Variants in IDO1 observed in about 807,000 individuals in gnomAD.
IDO1 encodes indoleamine 2,3-dioxygenase 1.
A neutral mutation model predicts 38.8 loss-of-function variants in IDO1; 35 were observed. That is an observed-to-expected ratio of 0.90 (90% CI 0.69 to 1.20). The LOEUF is 1.20. IDO1 is among the 50% of genes most tolerant of loss of function. IDO1 has a pLI of 0.00. For missense variants in IDO1, 509 were observed against 485.1 expected (o/e 1.05, Z -0.46); for synonymous variants, 171 against 170.0 (o/e 1.01, Z -0.05).
At chr8:39,917,100 C>A (rs2129592103) in intron 1 of IDO1, among the ~76,000 whole-genome samples, 1 of 152,268 alleles carries the variant, frequency 6.6e-6, no homozygotes, top group African/African-American at 2.4e-5. Flanking sequence ...AAATATGTAT[C>A]TTTTATATAT....
chr8:39,917,289 A>T (rs538623415), intron 1 of IDO1, among the ~76,000 whole-genome samples: 15 of 152,314 alleles, frequency 9.8e-5, no homozygotes, highest in Middle Eastern at 3.4e-3. Flanking sequence ...TGAGGTTAGG[A>T]GGTCGAGACC....
At position 39,917,225 on chromosome 8, in the gene IDO1, G is replaced by C. The variant is rs140375733; in HGVS notation, c.88-650G>C. 6.4e-3 allele frequency among the ~76,000 whole-genome samples: 968 copies of C among 152,384 alleles called. 7 individuals carry two copies. Among genetic ancestry groups the C allele is most frequent in the African/African-American group, 0.022 (914 of 41,590 alleles). On this transcript the variant is annotated intron_variant, in intron 1 of 9. Transcript: ENST00000518237. The stretch of plus-strand genomic sequence containing the variant: ...GATAAACCAAAGTAGGCCAGGCGCA[G>C]TGGCTCATGCCTGTAATCCCAGCAC...
In IDO1 at chr8:39,913,945, C is replaced by T. The variant is rs779594371; in HGVS notation, c.23C>T (p.Ser8Phe). The change falls in exon 1 of 10, where the codon TCC becomes TTC. Residue 8 changes from serine to phenylalanine, a missense_variant. Physicochemically the swap from Ser to Phe is radical, Grantham distance 155 (BLOSUM62 -2). Transcript: ENST00000518237. MAHAMEN[S>F]WTISKEYHID... ...AGAATGGCACACGCTATGGAAAACT[C>T]CTGGACAATCAGTAAAGAGTACCAT... The T allele has an allele frequency of 2.0e-5, 31 of 1,573,382 alleles. No homozygotes were observed. The highest frequency in any genetic ancestry group is 4.7e-5 in the East Asian group (2 of 42,968).
chr8:39,923,468 G>T lies in IDO1; in HGVS notation c.538-1G>T, dbSNP rs1807308642. The stretch of plus-strand genomic sequence containing the variant: ...GTTTGTGTTTTGTTTGTTTGTTTTA[G>T]GTAATTCCTACTGTATTCAAGGCAA... On this transcript the variant is annotated splice_acceptor_variant, in intron 6 of 9. Transcript: ENST00000518237. LOFTEE classifies it high-confidence loss of function. The T allele has an allele frequency of 6.5e-7, 1 of 1,528,298 alleles. No homozygotes were observed. The highest frequency in any genetic ancestry group is 9.1e-7 in the Non-Finnish European group (1 of 1,102,534). 94.7% of individuals were successfully genotyped at this position (1,528,298 alleles called of 1,614,324 possible). A position where few individuals can be genotyped will look rare whatever the true frequency, so the allele number is the denominator to read the frequency against.
rs1276005436 is a variant in IDO1 at position 39,918,069 on chromosome 8, T to C, written c.184-19T>C. On this transcript the variant is annotated intron_variant, in intron 2 of 9. Coordinates refer to ENST00000518237, the MANE Select transcript of IDO1 (RefSeq NM_002164.6). ...CATTACTGAGATTGATTTGAGTCAA[T>C]TGCTCCATTTGTTTTCAGTTAAACA... 2 of 1,613,624 alleles carry C rather than the reference T, an allele frequency of 1.2e-6. No homozygotes were observed. The highest frequency in any genetic ancestry group is 1.3e-5 in the African/African-American group (1 of 74,916).
At position 39,917,905 on chromosome 8, in the gene IDO1, A is replaced by G; in HGVS notation, c.118A>G (p.Met40Val). Reference protein sequence around the residue: ...ENLPDFYNDWMFIAKHLPDLI... With the variant: ...ENLPDFYNDWVFIAKHLPDLI... ...TCTACCTGATTTTTATAATGACTGG[A>G]TGTTCATTGCTAAACATCTGCCTGA... Residue 40 changes from methionine (M) to valine (V), a missense_variant, in exon 2 of 10, where the codon ATG (methionine) becomes GTG (valine). Physicochemically the swap from Met to Val is conservative, Grantham distance 21. Transcript: ENST00000518237. 1 of 1,610,594 alleles carries G rather than the reference A, an allele frequency of 6.2e-7. No individual in the cohort carries two copies. The highest frequency in any genetic ancestry group is 8.5e-7 in the Non-Finnish European group (1 of 1,177,640).
intron 8 of IDO1, among the ~76,000 whole-genome samples, 183 bp from the exon 9 acceptor site, chr8:39,925,040 C>T (rs919027689): frequency 6.6e-6 from 1 of 152,050 alleles, no homozygotes; most frequent in African/African-American, 2.4e-5. Context: ...CAAATCTGCT[C>T]AGGATTATAT....
At chr8:39,919,182 T>G (rs1343516370) in intron 4 of IDO1, 14 of 607,532 alleles carry the variant, frequency 2.3e-5, no homozygotes, top group South Asian at 2.0e-4. Flanking sequence ...TGAATTTAAC[T>G]ATTATATACA....
At chr8:39,914,438 T>G (rs1365758059) in intron 1 of IDO1, among the ~76,000 whole-genome samples, 1 of 152,236 alleles carries the variant, frequency 6.6e-6, no homozygotes, top group African/African-American at 2.4e-5. Context: ...AACATGTGTT[T>G]CTAATTTGAT....
At chr8:39,924,518 A>G (rs2129592406) in intron 7 of IDO1, among the ~76,000 whole-genome samples, 1 of 152,286 alleles carries the variant, frequency 6.6e-6, no homozygotes, top group South Asian at 2.1e-4. Context: ...AAGTAGTGCT[A>G]AATAAATAGA....
In IDO1 at chr8:39,923,403, CAAAAA is replaced by C. The variant is rs11337517; in HGVS notation, c.538-52_538-48del. The C allele has an allele frequency of 6.8e-3, 5,012 of 739,676 alleles. 3 individuals carry two copies. The highest frequency in any genetic ancestry group is 7.4e-3 in the Non-Finnish European group (3,586 of 483,062). 45.8% of individuals were successfully genotyped at this position (739,676 alleles called of 1,614,324 possible). ...TGGACAACTGAGCGAGACTCCGTCT[CAAAAA>C]AAAAAAAAAAAAAGAAAGAAAGAAA... On this transcript the variant is annotated intron_variant, in intron 6 of 9. Transcript: ENST00000518237.
intron 6 of IDO1, 112 bp downstream of exon 6, chr8:39,922,763 C>T: frequency 1.4e-6 from 1 of 714,052 alleles, no homozygotes; most frequent in Non-Finnish European, 2.5e-6. Context: ...ACAAGTACAA[C>T]ATGGGATCAT....
At chr8:39,927,146 A>C (rs975776684) in intron 9 of IDO1, among the ~76,000 whole-genome samples, 4 of 152,108 alleles carry the variant, frequency 2.6e-5, no homozygotes, top group Non-Finnish European at 4.4e-5. Flanking sequence ...CTGTTGTTGA[A>C]CACTCATTTA....
rs1220146206 is a variant in IDO1 at position 39,914,751 on chromosome 8, A to T, written c.87+742A>T. Among the ~76,000 whole-genome samples the T allele has an allele frequency of 2.6e-5, 4 of 151,974 alleles. No individual in the cohort carries two copies. In the East Asian group the frequency reaches 7.7e-4, roughly 29 times the overall value. On this transcript the variant is annotated intron_variant, in intron 1 of 9. Coordinates refer to ENST00000518237, the MANE Select transcript of IDO1 (RefSeq NM_002164.6). Reference sequence around the variant, plus strand: ...CTCATAGCCATCCCAAAAGTTATGTATGTTATTTATTTATTATTATTATTA... The same window carrying T: ...CTCATAGCCATCCCAAAAGTTATGTTTGTTATTTATTTATTATTATTATTA...
intron 6 of IDO1, among the ~76,000 whole-genome samples, chr8:39,923,207 C>A (rs2129592343): frequency 6.6e-6 from 1 of 152,132 alleles, no homozygotes; most frequent in Admixed American, 6.5e-5. Context: ...AGTTCGAGAC[C>A]AGCCTGGCCA....
Position 39,928,312 on chromosome 8 carries a change from C to A in IDO1, c.*127C>A. 1.6e-6 allele frequency: 1 copy of A among 617,022 alleles called. No homozygotes were observed. 38.2% of individuals were successfully genotyped at this position (617,022 alleles called of 1,614,324 possible). ...TTACCAATAATGCAATACAAAAGAC[C>A]TCAAAATACCTGTGCATTTCTTGTA... On this transcript the variant is annotated 3_prime_UTR_variant, in exon 10 of 10. Coordinates refer to ENST00000518237, the MANE Select transcript of IDO1 (RefSeq NM_002164.6).
rs1273877111 is a variant in IDO1, at chr8:39,928,728, G to T, written c.*543G>T. Among the ~76,000 whole-genome samples, 2 of 132,788 alleles carry T rather than the reference G, an allele frequency of 1.5e-5. No homozygotes were observed. Among genetic ancestry groups the T allele is most frequent in the African/African-American group, 2.8e-5 (1 of 35,774 alleles). The allele number at this position is 132,788 out of a possible 152,430, so 87.1% of individuals were successfully genotyped here. A position where few individuals can be genotyped will look rare whatever the true frequency, so the allele number is the denominator to read the frequency against. The stretch of plus-strand genomic sequence containing the variant: ...GGCCTGGGCTAAAGAGCGGGACTCC[G>T]TCTCAAAAAAAAAAAAAAAAAGATA... On this transcript the variant is annotated 3_prime_UTR_variant, in exon 10 of 10. Transcript: ENST00000518237.
chr8:39,924,573 T>G, intron 7 of IDO1, 148 bp from the exon 8 acceptor site: 1 of 602,048 alleles, frequency 1.7e-6, no homozygotes, highest in Non-Finnish European at 3.0e-6. Flanking sequence ...AAGTGAATGC[T>G]TATCTGCAGG....
chr8:39,918,954 A>C, intron 4 of IDO1, 21 bp downstream of exon 4: 1 of 1,389,194 alleles, frequency 7.2e-7, no homozygotes, highest in Non-Finnish European at 1.0e-6. Context: ...AGTGATAACA[A>C]CAGGAATTTT....
Sources: gnomAD v4.1 joint callset for allele counts (sites outside exome capture counted in the v4.1 genomes callset) on GRCh38, gnomAD v4.1.1 for gene constraint, MANE v1.5 for transcripts, NCBI Gene and HGNC (gene_info 2026-07-23, HGNC 2026-07-21) for gene names.